DISC1: variants seen among roughly 807,000 people sequenced by gnomAD.
The protein encoded by DISC1 is disrupted in schizophrenia 1 protein.
In DISC1, 57 loss-of-function variants were observed where a neutral mutation model predicts 84.5. That is an observed-to-expected ratio of 0.67 (90% CI 0.55 to 0.84). The LOEUF is 0.84. Ranked by LOEUF, DISC1 falls within the 40% of genes least tolerant of loss-of-function variation. The probability of loss-of-function intolerance (pLI) is 0.00; values close to 1 mark genes in which losing one functional copy is unlikely to be tolerated. For synonymous variants in DISC1, 411 were observed against 415.2 expected (o/e 0.99, Z 0.12); for missense variants, 1,000 against 1,057.8 (o/e 0.95, Z 0.76).
rs551599675 is a variant in DISC1 at position 231,771,484 on chromosome 1, A to G, written c.1634+414A>G. The G allele has an allele frequency of 2.4e-5, 24 of 985,452 alleles. No individual in the cohort carries two copies. The East Asian group carries it at 1.6e-3, about 65-fold the overall frequency. The allele number at this position is 985,452 out of a possible 1,614,324, so 61.0% of individuals were successfully genotyped here. On this transcript the variant is annotated intron_variant, in intron 6 of 12. Coordinates refer to ENST00000439617, the MANE Select transcript of DISC1 (RefSeq NM_018662.3). ...CAAGCTATTGAGAGAGGGACACCCA[A>G]TGGCAAAGTTCCCATCTGGAAGAAT...
chr1:231,959,021 C>T, intron 10 of DISC1, 133 bp downstream of exon 10: 8 of 1,440,896 alleles, frequency 5.6e-6, no homozygotes, highest in Non-Finnish European at 7.2e-6. Flanking sequence ...CACAAAAAAG[C>T]CTTTTGAACC....
At chr1:231,704,826 T>C (rs2066859508) in intron 3 of DISC1, among the ~76,000 whole-genome samples, 1 of 138,152 alleles carries the variant, frequency 7.2e-6, no homozygotes, top group Non-Finnish European at 1.5e-5. Flanking sequence ...GGTGGGAGAC[T>C]CCATTTCTAA....
intron 9 of DISC1, among the ~76,000 whole-genome samples, chr1:231,863,456 C>T (rs2084829476): frequency 1.3e-5 from 2 of 152,036 alleles, no homozygotes; most frequent in South Asian, 4.1e-4. Context: ...GTCTTGAACT[C>T]CTGGCCTCAA....
intron 10 of DISC1, among the ~76,000 whole-genome samples, chr1:231,967,815 A>G (rs1331003575): frequency 6.6e-6 from 1 of 152,216 alleles, no homozygotes; most frequent in East Asian, 1.9e-4. Context: ...AAAAATCTTA[A>G]GTATGCTTAA....
intron 1 of DISC1, among the ~76,000 whole-genome samples, chr1:231,633,013 G>C (rs1489698740): frequency 6.6e-6 from 1 of 152,198 alleles, no homozygotes; most frequent in Non-Finnish European, 1.5e-5. Context: ...AGAGGTTGCA[G>C]TGAGCCAAGA....
At chr1:231,890,216 T>A (rs1231557356) in intron 9 of DISC1, among the ~76,000 whole-genome samples, 1 of 152,210 alleles carries the variant, frequency 6.6e-6, no homozygotes, top group Non-Finnish European at 1.5e-5. Context: ...TCACTCTGTA[T>A]GTGTGAGTAA....
intron 11 of DISC1, among the ~76,000 whole-genome samples, chr1:232,025,748 C>T (rs968163442): frequency 6.6e-5 from 10 of 152,136 alleles, no homozygotes; most frequent in African/African-American, 2.2e-4. Flanking sequence ...AGGCGCCCGC[C>T]ACTACGCCCG....
intron 10 of DISC1, among the ~76,000 whole-genome samples, chr1:232,007,602 C>T (rs920333772): frequency 1.3e-5 from 2 of 152,166 alleles, no homozygotes; most frequent in African/African-American, 4.8e-5. Flanking sequence ...AAGTAACTAA[C>T]TTGCTTTTGA....
At chr1:231,701,614 GT>G (rs2066428278) in intron 2 of DISC1, among the ~76,000 whole-genome samples, 1 of 152,148 alleles carries the variant, frequency 6.6e-6, no homozygotes, top group African/African-American at 2.4e-5. Flanking sequence ...TAAATGTGAG[GT>G]TTAGAACAGA....
intron 3 of DISC1, among the ~76,000 whole-genome samples, chr1:231,737,886 C>A (rs2125240344): frequency 6.6e-6 from 1 of 152,242 alleles, no homozygotes; most frequent in African/African-American, 2.4e-5. Context: ...TGAGTCAGGG[C>A]TTGCTCTGTT....
intron 12 of DISC1, among the ~76,000 whole-genome samples, chr1:232,033,926 G>A (rs1670282568): frequency 6.6e-6 from 1 of 151,968 alleles, no homozygotes; most frequent in African/African-American, 2.4e-5. Flanking sequence ...GCTATAAATG[G>A]CTTATCTCAA....
At chr1:231,939,140 A>G (rs1371666010) in intron 9 of DISC1, among the ~76,000 whole-genome samples, 2 of 152,168 alleles carry the variant, frequency 1.3e-5, no homozygotes, top group Non-Finnish European at 2.9e-5. Context: ...CCCTCTTGGA[A>G]TGTCAGCACA....
rs185639031 is a variant in DISC1 at position 231,672,911 on chromosome 1, C to T, written c.68-20915C>T. On this transcript the variant is annotated intron_variant, in intron 1 of 12. Coordinates refer to ENST00000439617, the MANE Select transcript of DISC1 (RefSeq NM_018662.3). ...GCCCAGAAATCTGCATTTCCACAAA[C>T]CTCCCAGGTGATTTTGATGCACGTG... Among the ~76,000 whole-genome samples, 122 of 152,302 alleles carry T rather than the reference C, an allele frequency of 8.0e-4. 2 individuals are homozygous for T. The highest frequency in any genetic ancestry group is 2.6e-3 in the African/African-American group (110 of 41,566).
chr1:231,824,068 A>G (rs2081684516), intron 9 of DISC1, among the ~76,000 whole-genome samples: 1 of 152,178 alleles, frequency 6.6e-6, no homozygotes, highest in South Asian at 2.1e-4. Context: ...TAGCACCTAA[A>G]AAGTGGCTGG....
At chr1:231,988,860 A>G (rs899444631) in intron 10 of DISC1, among the ~76,000 whole-genome samples, 13 of 152,202 alleles carry the variant, frequency 8.5e-5, no homozygotes, top group African/African-American at 3.1e-4. Context: ...TGACACTTCC[A>G]TTCATTGGAA....
chr1:231,713,755 TATATAGGAG>T (rs1243863243), intron 3 of DISC1, among the ~76,000 whole-genome samples: 1,515 of 144,088 alleles, frequency 0.011, 40 homozygotes, highest in African/African-American at 0.036. Flanking sequence ...AGGAGATATA[TATATAGGAG>T]ATATATATAT....
At chr1:231,788,140 G>C (rs1173322248) in intron 6 of DISC1, among the ~76,000 whole-genome samples, 1 of 152,138 alleles carries the variant, frequency 6.6e-6, no homozygotes, top group Non-Finnish European at 1.5e-5. Flanking sequence ...AAAAAAATTA[G>C]CTGGGTGTGC....
chr1:231,702,007 A>C lies in DISC1; in HGVS notation c.1100A>C (p.Asn367Thr), dbSNP rs2066486166. The change falls in exon 3 of 13, where the codon AAT becomes ACT. Residue 367 changes from asparagine (N) to threonine (T), a missense_variant. Around this residue, in one of 3 missense-constraint regions of DISC1, gnomAD observed 311 missense variants for 400.1 expected, o/e 0.78. Coordinates refer to ENST00000439617, the MANE Select transcript of DISC1 (RefSeq NM_018662.3). Reference protein sequence around the residue: ...LQKLQEDAVENDDYDKAETLQ... With the variant: ...LQKLQEDAVETDDYDKAETLQ... ...AAACTTCAGGAAGATGCAGTTGAGAATGATGATTATGATAAAGGTGAGTTT... is the reference window on the plus strand; with the variant it reads ...AAACTTCAGGAAGATGCAGTTGAGACTGATGATTATGATAAAGGTGAGTTT... The C allele has an allele frequency of 1.2e-6, 2 of 1,607,176 alleles. No individual in the cohort carries two copies. Among genetic ancestry groups the C allele is most frequent in the Non-Finnish European group, 1.7e-6 (2 of 1,177,318 alleles).
At chr1:231,632,294 A>G (rs2058778665) in intron 1 of DISC1, among the ~76,000 whole-genome samples, 1 of 152,174 alleles carries the variant, frequency 6.6e-6, no homozygotes, top group Non-Finnish European at 1.5e-5. Context: ...GTAGCCCCAC[A>G]TTATTTTTCT....
Sources: gnomAD v4.1 joint callset for allele counts (sites outside exome capture counted in the v4.1 genomes callset) on GRCh38, gnomAD v4.1.1 for gene constraint, gnomAD v4.1.1 regional missense constraint, MANE v1.5 for transcripts, NCBI Gene and HGNC (gene_info 2026-07-23, HGNC 2026-07-21) for gene names.